Variants in XPNPEP1 observed in about 807,000 individuals in gnomAD.
The protein encoded by XPNPEP1 is X-prolyl aminopeptidase 1.
XPNPEP1 carries 39 observed loss-of-function variants against 92.4 expected under a neutral mutation model. The observed-to-expected ratio is 0.42, with a 90% CI of 0.33 to 0.55. XPNPEP1 has a LOEUF of 0.55. Ranked by LOEUF, XPNPEP1 falls within the 20% of genes least tolerant of loss-of-function variation. The pLI, the probability that XPNPEP1 is intolerant of heterozygous loss-of-function variation, is 0.08. For missense variants in XPNPEP1, 654 were observed against 856.1 expected, an observed-to-expected ratio of 0.76 and a Z score of 2.95; for synonymous variants, 307 against 299.4, an observed-to-expected ratio of 1.03 and a Z score of -0.26.
At chr10:109,879,046 T>C (rs1475540741) in intron 12 of XPNPEP1, among the ~76,000 whole-genome samples, 1 of 134,352 alleles carries the variant, frequency 7.4e-6, no homozygotes, top group Non-Finnish European at 1.6e-5. Flanking sequence ...ATCGAGACCA[T>C]CCTGGCTAAC....
intron 6 of XPNPEP1, 93 bp downstream of exon 6, chr10:109,888,410 C>G: frequency 2.2e-6 from 3 of 1,334,160 alleles, no homozygotes; most frequent in Non-Finnish European, 3.1e-6. Flanking sequence ...CTGAGCCCCC[C>G]AGTGCTCCAC....
intron 14 of XPNPEP1, 165 bp downstream of exon 14, chr10:109,877,625 T>C (rs1246361441): frequency 5.8e-6 from 5 of 857,002 alleles, no homozygotes; most frequent in South Asian, 5.2e-5. Context: ...GCTTGGGGAT[T>C]GGGAGAAAAT....
chr10:109,913,888 T>C (rs1456184363), intron 2 of XPNPEP1, among the ~76,000 whole-genome samples: 1 of 152,224 alleles, frequency 6.6e-6, no homozygotes, highest in Non-Finnish European at 1.5e-5. Flanking sequence ...ATTCCATCAC[T>C]TTTTTCCTTT....
intron 12 of XPNPEP1, among the ~76,000 whole-genome samples, chr10:109,878,810 G>A (rs1298046261): frequency 1.3e-5 from 2 of 151,544 alleles, no homozygotes; most frequent in Non-Finnish European, 1.5e-5. Context: ...TGGGGAGGCT[G>A]AGGCTGCAGT....
intron 2 of XPNPEP1, among the ~76,000 whole-genome samples, chr10:109,912,223 T>C (rs1183039572): frequency 3.3e-5 from 5 of 152,316 alleles, no homozygotes; most frequent in South Asian, 2.1e-4. Flanking sequence ...ACTTTCCCTC[T>C]TCCTACTTCC....
chr10:109,882,203 T>C (rs867976979), intron 10 of XPNPEP1, among the ~76,000 whole-genome samples: 3 of 152,224 alleles, frequency 2.0e-5, no homozygotes, highest in Middle Eastern at 3.2e-3. Flanking sequence ...TAAATAATAA[T>C]GTGTACCACC....
At position 109,916,978 on chromosome 10, in the gene XPNPEP1, C is replaced by T. The variant is rs541893557; in HGVS notation, c.33-1879G>A. ...CTAGAAGAAAAATTCCTCAACCTGA[C>T]AAAAGTTATTACAAAACCTACAGCT... On this transcript the variant is annotated intron_variant, in intron 1 of 20. Transcript: ENST00000502935. Among the ~76,000 whole-genome samples, 17 of 152,230 alleles carry T rather than the reference C, an allele frequency of 1.1e-4. No individual in the cohort carries two copies. In the East Asian group the frequency reaches 3.3e-3, roughly 29 times the overall value.
chr10:109,914,992 T>A lies in XPNPEP1; in HGVS notation c.121+19A>T, dbSNP rs1850107579. 2.0e-6 allele frequency: 3 copies of A among 1,488,270 alleles called. No individual in the cohort carries two copies. Among genetic ancestry groups the A allele is most frequent in the Non-Finnish European group, 1.8e-6 (2 of 1,112,666 alleles). The allele number at this position is 1,488,270 out of a possible 1,614,324, so 92.2% of individuals were successfully genotyped here. A position where few individuals can be genotyped will look rare whatever the true frequency, so the allele number is the denominator to read the frequency against. ...ATCCTTTACAGATGTTCCATCTAAT[T>A]TCCAGACAAAATTATTACCTGTTTC... On this transcript the variant is annotated intron_variant, in intron 2 of 20. Transcript: ENST00000502935.
At position 109,865,005 on chromosome 10, in the gene XPNPEP1, G is replaced by T; in HGVS notation, c.*179C>A. ...TCTCAACAATTAAAAAATCATAAAA[G>T]ACTGAGTGTTTGCAATAAAATATCA... On this transcript the variant is annotated 3_prime_UTR_variant, in exon 21 of 21. Coordinates refer to ENST00000502935, the MANE Select transcript of XPNPEP1 (RefSeq NM_020383.4). The T allele has an allele frequency of 1.1e-6, 1 of 897,054 alleles. No homozygotes were observed. Among genetic ancestry groups the T allele is most frequent in the Non-Finnish European group, 1.6e-6 (1 of 610,274 alleles). 55.6% of individuals were successfully genotyped at this position (897,054 alleles called of 1,614,324 possible).
In XPNPEP1 at chr10:109,867,117, CTT is replaced by C. The variant is rs954493910; in HGVS notation, c.1872+1495_1872+1496del. Among the ~76,000 whole-genome samples the C allele has an allele frequency of 1.3e-5, 2 of 152,208 alleles. No homozygotes were observed. Among genetic ancestry groups the C allele is most frequent in the African/African-American group, 4.8e-5 (2 of 41,448 alleles). The stretch of plus-strand genomic sequence containing the variant: ...TTGGACTTCCAAGAGTGCGAAATGA[CTT>C]ATTACTGGAAAGCCCCTTGCTAAGT... On this transcript the variant is annotated intron_variant, in intron 20 of 20. Transcript: ENST00000502935. The surrounding 1 kb of genome is among the most constrained non-coding windows in gnomAD (Gnocchi z 4.5).
intron 1 of XPNPEP1, among the ~76,000 whole-genome samples, chr10:109,918,872 GA>G (rs1291010080): frequency 1.5e-5 from 1 of 68,170 alleles, no homozygotes; most frequent in Non-Finnish European, 2.8e-5. Context: ...AGGAAGGAAG[GA>G]AGGAAGGAAG....
Position 109,894,790 on chromosome 10 carries a change from G to T in XPNPEP1, c.247-1715C>A, listed in dbSNP as rs1187638134. On this transcript the variant is annotated intron_variant, in intron 3 of 20. Transcript: ENST00000502935. ...GACAGGTCATTTCAGATTGCTAAAT[G>T]CAACAGCAAGCACGTTTTATTCCTA... Among the ~76,000 whole-genome samples the T allele has an allele frequency of 2.6e-5, 4 of 152,214 alleles. No homozygotes were observed. The East Asian group carries it at 7.7e-4, about 29-fold the overall frequency.
intron 15 of XPNPEP1, among the ~76,000 whole-genome samples, chr10:109,874,927 C>A (rs921101694): frequency 6.6e-6 from 1 of 152,120 alleles, no homozygotes. Context: ...CCTGCCTGGG[C>A]TACAGAGTGA....
In XPNPEP1 at chr10:109,893,094, A is replaced by G; in HGVS notation, c.247-19T>C. On this transcript the variant is annotated intron_variant, in intron 3 of 20. Transcript: ENST00000502935. ...ACTCACTCTGGAAAACAAAGATGAC[A>G]ACAAAGTGGGCCTCGATCAGTCATG... 2 of 1,612,128 alleles carry G rather than the reference A, an allele frequency of 1.2e-6. No individual in the cohort carries two copies. Among genetic ancestry groups the G allele is most frequent in the Non-Finnish European group, 1.7e-6 (2 of 1,178,900 alleles).
chr10:109,886,253 C>T lies in XPNPEP1; in HGVS notation c.741G>A (p.Glu247=). ...VMWFVVTALD[E]IAWLFNLRGS... ...CGAAACCAGAGCACTCACACGCAATCTCATCCAAGGCAGTGACCACAAACC... is the reference window on the plus strand; with the variant it reads ...CGAAACCAGAGCACTCACACGCAATTTCATCCAAGGCAGTGACCACAAACC... Residue 247 remains glutamate (E), a synonymous_variant, in exon 8 of 21, where the codon GAG becomes GAA. Coordinates refer to ENST00000502935, the MANE Select transcript of XPNPEP1 (RefSeq NM_020383.4). 6.2e-7 allele frequency: 1 copy of T among 1,614,164 alleles called. No homozygotes were observed. The highest frequency in any genetic ancestry group is 1.1e-5 in the South Asian group (1 of 91,058).
chr10:109,904,017 G>T (rs950848526), intron 3 of XPNPEP1, among the ~76,000 whole-genome samples: 1 of 151,344 alleles, frequency 6.6e-6, no homozygotes, highest in Admixed American at 6.6e-5. Flanking sequence ...GCTAATTTTT[G>T]TATTTTTTGG....
At chr10:109,898,318 A>C (rs1849092347) in intron 3 of XPNPEP1, among the ~76,000 whole-genome samples, 1 of 152,230 alleles carries the variant, frequency 6.6e-6, no homozygotes, top group Non-Finnish European at 1.5e-5. Context: ...TATTGCTATG[A>C]ACTGCACCGA....
intron 2 of XPNPEP1, among the ~76,000 whole-genome samples, chr10:109,910,730 A>C (rs949537052): frequency 2.0e-5 from 3 of 152,160 alleles, no homozygotes; most frequent in Admixed American, 6.5e-5. Flanking sequence ...GCTGCTATAA[A>C]CATCTGTGTG....
intron 14 of XPNPEP1, chr10:109,877,024 G>A (rs1847822942): frequency 6.6e-6 from 1 of 152,276 alleles, no homozygotes; most frequent in Non-Finnish European, 1.5e-5. Context: ...GACAGGAAGA[G>A]AGGGTACTGA....
Sources: allele counts gnomAD v4.1 joint callset (sites outside exome capture counted in the v4.1 genomes callset), GRCh38; gene constraint gnomAD v4.1.1; non-coding constraint Gnocchi (gnomAD v3.1); transcripts MANE v1.5; gene names NCBI Gene and HGNC (gene_info 2026-07-23, HGNC 2026-07-21).